CNTN4: variants seen among roughly 807,000 people sequenced by gnomAD.
CNTN4 encodes the protein contactin 4, also known as contactin-4.
Under a neutral mutation model 122.5 loss-of-function variants are expected in CNTN4, and 77 were observed. The ratio of observed to expected loss-of-function variants is 0.63; its 90% CI spans 0.52 to 0.76. The LOEUF (loss-of-function observed/expected upper bound fraction) is 0.76, where lower values mean the gene tolerates loss of function less well. Ranked by LOEUF, CNTN4 falls within the 30% of genes least tolerant of loss-of-function variation. The pLI, the probability that CNTN4 is intolerant of heterozygous loss-of-function variation, is 0.00. For synonymous variants in CNTN4, 512 were observed against 447.0 expected (o/e 1.15, Z -1.83); for missense variants, 1,256 against 1,259.1 (o/e 1.00, Z 0.04).
At chr3:2,120,041 A>C (rs9310634) in intron 2 of CNTN4, among the ~76,000 whole-genome samples, 10,926 of 151,902 alleles carry the variant, frequency 0.072, 684 homozygotes, top group East Asian at 0.24. Flanking sequence ...ATAACCAGGG[A>C]AGAAAGTTCC....
At position 2,875,909 on chromosome 3, in the gene CNTN4, T is replaced by C. The variant is rs2093838952; in HGVS notation, c.653-7236T>C. Among the ~76,000 whole-genome samples the C allele has an allele frequency of 2.0e-5, 3 of 152,198 alleles. No homozygotes were observed. In the South Asian group the frequency reaches 6.2e-4, roughly 32 times the overall value. On this transcript the variant is annotated intron_variant, in intron 8 of 24. Coordinates refer to ENST00000418658, the MANE Select transcript of CNTN4 (RefSeq NM_175607.3). ...ACTAATTGCCCAAACTGGAAACTAT[T>C]AGCTCATTACTTCAGGAATTCAGGA... is the stretch of plus-strand genomic sequence containing the variant.
rs1215137101 is a variant in CNTN4, at chr3:3,048,514, CTCTGTGTGTG to C, written c.2811+4812_2811+4821del. On this transcript the variant is annotated intron_variant, in intron 23 of 24. Coordinates refer to ENST00000418658, the MANE Select transcript of CNTN4 (RefSeq NM_175607.3). Reference sequence around the variant, plus strand: ...TAACTCTCTCTCTTTCTCTCTCTCTCTCTGTGTGTGTGTGTGTGTGTGTGTGTGTGTATTT... The same window carrying C: ...TAACTCTCTCTCTTTCTCTCTCTCTCTGTGTGTGTGTGTGTGTGTGTATTT... Among the ~76,000 whole-genome samples, 619 of 134,376 alleles carry C rather than the reference CTCTGTGTGTG, an allele frequency of 4.6e-3. 3 individuals are homozygous for C. Among genetic ancestry groups the C allele is most frequent in the Non-Finnish European group, 6.1e-3 (398 of 65,114 alleles). 88.2% of individuals were successfully genotyped at this position (134,376 alleles called of 152,430 possible). A position where few individuals can be genotyped will look rare whatever the true frequency, so the allele number is the denominator to read the frequency against.
intron 2 of CNTN4, among the ~76,000 whole-genome samples, chr3:2,137,534 G>A (rs1301997389): frequency 1.3e-5 from 2 of 152,162 alleles, no homozygotes; most frequent in Non-Finnish European, 2.9e-5. Context: ...AAAATGAATT[G>A]TATTGCCTGC....
chr3:2,818,654 C>G (rs1576919495), intron 6 of CNTN4, among the ~76,000 whole-genome samples: 1 of 152,320 alleles, frequency 6.6e-6, no homozygotes, highest in Middle Eastern at 3.4e-3. Context: ...ATATGTCTCA[C>G]TTTATTAGAC....
At chr3:3,046,432 G>T (rs1309601627) in intron 23 of CNTN4, among the ~76,000 whole-genome samples, 2 of 152,160 alleles carry the variant, frequency 1.3e-5, no homozygotes, top group Non-Finnish European at 2.9e-5. Context: ...CGGATCTCTT[G>T]GCAGAAACTC....
chr3:2,612,212 T>G (rs1262834622), intron 4 of CNTN4, among the ~76,000 whole-genome samples: 2 of 151,926 alleles, frequency 1.3e-5, no homozygotes, highest in Non-Finnish European at 2.9e-5. Flanking sequence ...AAAAATATAG[T>G]AAGTCAAAAA....
chr3:2,869,739 C>T (rs902849603), intron 8 of CNTN4, among the ~76,000 whole-genome samples: 3 of 152,266 alleles, frequency 2.0e-5, no homozygotes, highest in East Asian at 1.9e-4. Flanking sequence ...CTTTGTACTG[C>T]GCTCCAGCAC....
chr3:2,797,413 C>T (rs1209761313), intron 6 of CNTN4, among the ~76,000 whole-genome samples: 1 of 152,182 alleles, frequency 6.6e-6, no homozygotes. Flanking sequence ...ACCTGGCCAA[C>T]ATGATGAAAC....
At chr3:2,774,578 A>T (rs1433130760) in intron 6 of CNTN4, among the ~76,000 whole-genome samples, 1 of 152,112 alleles carries the variant, frequency 6.6e-6, no homozygotes, top group Non-Finnish European at 1.5e-5. Flanking sequence ...AACAATTGAT[A>T]GCTTATGTAT....
chr3:2,996,406 A>G (rs1226855185), intron 14 of CNTN4, among the ~76,000 whole-genome samples: 1 of 152,176 alleles, frequency 6.6e-6, no homozygotes, highest in Non-Finnish European at 1.5e-5. Context: ...TCTCTCTCAG[A>G]TATTGTAGAA....
chr3:2,497,564 G>A (rs1410129347), intron 3 of CNTN4, among the ~76,000 whole-genome samples: 3 of 152,170 alleles, frequency 2.0e-5, no homozygotes, highest in South Asian at 2.1e-4. Context: ...GGATTTAGGG[G>A]TGGGAGTTAA....
intron 12 of CNTN4, among the ~76,000 whole-genome samples, chr3:2,923,860 G>A (rs2094450182): frequency 6.6e-6 from 1 of 152,094 alleles, no homozygotes; most frequent in African/African-American, 2.4e-5. Context: ...TTGAGTAGGT[G>A]TCCTGACCCT....
intron 2 of CNTN4, among the ~76,000 whole-genome samples, chr3:2,289,854 C>T (rs936984452): frequency 2.0e-5 from 3 of 152,222 alleles, no homozygotes; most frequent in Non-Finnish European, 4.4e-5. Context: ...GGCTGAATAA[C>T]ATTAAAAATA....
chr3:2,875,635 C>T lies in CNTN4; in HGVS notation c.653-7510C>T, dbSNP rs991108532. On this transcript the variant is annotated intron_variant, in intron 8 of 24. Transcript: ENST00000418658. The stretch of plus-strand genomic sequence containing the variant: ...TAGCCCACAAAACCTAGATAAAATT[C>T]TTATTTTCTGGCCTTTTACAGAAAA... Among the ~76,000 whole-genome samples, 21 of 152,276 alleles carry T rather than the reference C, an allele frequency of 1.4e-4. 1 individual carries two copies. Among genetic ancestry groups the T allele is most frequent in the African/African-American group, 4.1e-4 (17 of 41,556 alleles).
chr3:2,388,725 A>G (rs1471412129), intron 3 of CNTN4, among the ~76,000 whole-genome samples: 1 of 152,172 alleles, frequency 6.6e-6, no homozygotes, highest in Non-Finnish European at 1.5e-5. Flanking sequence ...TGCATCTGCA[A>G]TCCCAGCTAC....
At chr3:2,860,726 T>A (rs2093662731) in intron 7 of CNTN4, among the ~76,000 whole-genome samples, 1 of 149,506 alleles carries the variant, frequency 6.7e-6, no homozygotes. Context: ...TTTATCATTC[T>A]GTGTCTTAGT....
chr3:2,894,619 A>G (rs1469605423), intron 10 of CNTN4, among the ~76,000 whole-genome samples: 3 of 152,210 alleles, frequency 2.0e-5, no homozygotes, highest in Admixed American at 6.5e-5. Flanking sequence ...ACTGAACTCA[A>G]GGTGTATAAG....
intron 13 of CNTN4, among the ~76,000 whole-genome samples, chr3:2,933,667 G>A (rs2094544237): frequency 1.3e-5 from 2 of 152,132 alleles, no homozygotes; most frequent in African/African-American, 4.8e-5. Context: ...CATTTTGAAA[G>A]GCCTTTTCTA....
At chr3:2,720,231 T>C (rs142708361) in intron 4 of CNTN4, among the ~76,000 whole-genome samples, 1,547 of 152,292 alleles carry the variant, frequency 0.01, 28 homozygotes, top group African/African-American at 0.035. Context: ...TTCTTTTTGA[T>C]GTCAATGAGA....
Sources: gnomAD v4.1 joint callset for allele counts (sites outside exome capture counted in the v4.1 genomes callset) on GRCh38, gnomAD v4.1.1 for gene constraint, MANE v1.5 for transcripts, NCBI Gene and HGNC (gene_info 2026-07-23, HGNC 2026-07-21) for gene names.